Variants in MMS22L observed in about 807,000 individuals in gnomAD.
The protein encoded by MMS22L is MMS22 like, DNA repair protein.
In MMS22L, 74 loss-of-function variants were observed where a neutral mutation model predicts 159.1. The ratio of observed to expected loss-of-function variants is 0.47; its 90% CI spans 0.39 to 0.56. MMS22L has a LOEUF of 0.56. Ranked by LOEUF, MMS22L falls within the 20% of genes least tolerant of loss-of-function variation. MMS22L has a pLI of 0.00. For missense variants in MMS22L, 1,351 were observed against 1,422.1 expected (o/e 0.95, Z 0.80); for synonymous variants, 517 against 506.9 (o/e 1.02, Z -0.27).
At chr6:97,222,951 G>A (rs989683750) in intron 14 of MMS22L, among the ~76,000 whole-genome samples, 1 of 152,092 alleles carries the variant, frequency 6.6e-6, no homozygotes, top group African/African-American at 2.4e-5. Flanking sequence ...AACTTAAAAT[G>A]TGATTCCAGA....
intron 7 of MMS22L, among the ~76,000 whole-genome samples, chr6:97,268,410 A>T (rs370541671): frequency 1.6e-3 from 243 of 152,058 alleles, no homozygotes; most frequent in Non-Finnish European, 2.9e-3. Flanking sequence ...GGATGGTCTC[A>T]ATCTCCTGAC....
intron 9 of MMS22L, among the ~76,000 whole-genome samples, chr6:97,256,616 T>C (rs540333239): frequency 1.3e-5 from 2 of 152,312 alleles, no homozygotes; most frequent in African/African-American, 2.4e-5. Context: ...CTGGCCTCCA[T>C]TGTTGTTGAA....
chr6:97,273,626 G>C (rs559064410), intron 4 of MMS22L, among the ~76,000 whole-genome samples: 12 of 152,084 alleles, frequency 7.9e-5, no homozygotes, highest in Non-Finnish European at 1.2e-4. Context: ...TACCTCCTTT[G>C]ATTTCTTTCA....
chr6:97,188,487 T>C (rs187981930), intron 14 of MMS22L, among the ~76,000 whole-genome samples: 5 of 152,302 alleles, frequency 3.3e-5, no homozygotes, highest in African/African-American at 9.6e-5. Context: ...ATCCTCTTTA[T>C]AGATGACGAA....
intron 11 of MMS22L, among the ~76,000 whole-genome samples, chr6:97,236,471 A>AT (rs1378328579): frequency 1.4e-4 from 22 of 152,234 alleles, no homozygotes; most frequent in Admixed American, 1.3e-3. Flanking sequence ...TGAATGTATG[A>AT]TTTTCTCTCA....
intron 14 of MMS22L, 29 bp from the exon 15 acceptor site, chr6:97,186,719 C>T: frequency 7.0e-7 from 1 of 1,418,500 alleles, no homozygotes; most frequent in Middle Eastern, 1.9e-4. Flanking sequence ...ACAGCTAACA[C>T]CCTTAATAAA....
In MMS22L at chr6:97,186,626, A is replaced by C. The variant is rs958016949; in HGVS notation, c.2104T>G (p.Ser702Ala). 6.2e-6 allele frequency: 10 copies of C among 1,611,216 alleles called. No homozygotes were observed. Among genetic ancestry groups the C allele is most frequent in the Non-Finnish European group, 7.6e-6 (9 of 1,178,890 alleles). Residue 702 changes from serine (S) to alanine (A), a missense_variant, in exon 15 of 25, where the codon TCA (serine) becomes GCA (alanine). Physicochemically the swap from Ser to Ala is moderately conservative, Grantham distance 99 (BLOSUM62 1). Coordinates refer to ENST00000683635, the MANE Select transcript of MMS22L (RefSeq NM_001350599.2). ...RDNVDLFVQS[S>A]LSAKERHLAA... ...AGGTGGCGCTCTTTAGCCGATAATG[A>C]AGACTGTACAAATAGGTCCACATTG...
chr6:97,268,506 C>T (rs193167725), intron 7 of MMS22L, among the ~76,000 whole-genome samples: 2 of 151,974 alleles, frequency 1.3e-5, no homozygotes, highest in Admixed American at 6.6e-5. Flanking sequence ...TCTAATTCTT[C>T]CAAGTAACAT....
At position 97,231,456 on chromosome 6, in the gene MMS22L, C is replaced by T. The variant is rs771491696; in HGVS notation, c.1499G>A (p.Gly500Asp). ...KVVKKAMKSN[G>D]PHPWKQVKGR... ...TTTGACTTGTTTCCAAGGATGAGGG[C>T]CATTGCTCTTCATTGCTTTTTTAAC... Residue 500 changes from glycine (G) to aspartate (D), a missense_variant, in exon 13 of 25, where the codon GGC becomes GAC. Gly to Asp is a moderately conservative substitution (Grantham distance 94). Transcript: ENST00000683635. 15 of 1,613,436 alleles carry T rather than the reference C, an allele frequency of 9.3e-6. No individual in the cohort carries two copies. Among genetic ancestry groups the T allele is most frequent in the African/African-American group, 1.3e-5 (1 of 74,916 alleles).
intron 14 of MMS22L, among the ~76,000 whole-genome samples, chr6:97,194,687 C>CT (rs1288348214): frequency 1.3e-5 from 2 of 152,104 alleles, no homozygotes; most frequent in Non-Finnish European, 2.9e-5. Flanking sequence ...GAAAATACTC[C>CT]TTTACTCTAT....
At chr6:97,169,916 C>T (rs1413650890) in intron 19 of MMS22L, among the ~76,000 whole-genome samples, 1 of 151,824 alleles carries the variant, frequency 6.6e-6, no homozygotes, top group East Asian at 1.9e-4. Flanking sequence ...TATAGGGTAC[C>T]ACGTGGTATA....
At position 97,251,358 on chromosome 6, in the gene MMS22L, A is replaced by G. The variant is rs115290628; in HGVS notation, c.1119+3199T>C. On this transcript the variant is annotated intron_variant, in intron 10 of 24. Coordinates refer to ENST00000683635, the MANE Select transcript of MMS22L (RefSeq NM_001350599.2). ...ATTACCCTCTCACCTACTTTAAAAT[A>G]TTTCACTGAGATAATACACAGTCAC... Among the ~76,000 whole-genome samples the G allele has an allele frequency of 3.3e-3, 499 of 152,322 alleles. 3 individuals are homozygous for G. Among genetic ancestry groups the G allele is most frequent in the African/African-American group, 0.011 (468 of 41,576 alleles).
chr6:97,154,052 A>G (rs1801595818), intron 22 of MMS22L, among the ~76,000 whole-genome samples: 1 of 152,182 alleles, frequency 6.6e-6, no homozygotes, highest in Non-Finnish European at 1.5e-5. Context: ...ACTATTATCC[A>G]AAGTAGCAAC....
intron 14 of MMS22L, among the ~76,000 whole-genome samples, chr6:97,187,254 T>C (rs1197378167): frequency 2.0e-5 from 3 of 152,180 alleles, no homozygotes; most frequent in Non-Finnish European, 2.9e-5. Flanking sequence ...CAATAACAAG[T>C]TGCTCTTCAT....
intron 10 of MMS22L, among the ~76,000 whole-genome samples, chr6:97,250,675 G>A (rs572711823): frequency 1.3e-5 from 2 of 152,192 alleles, no homozygotes; most frequent in African/African-American, 4.8e-5. Flanking sequence ...CTAGCTTTGT[G>A]AGTTAAATCC....
Position 97,168,126 on chromosome 6 carries a change from T to C in MMS22L, c.2954A>G (p.Glu985Gly). ...LPHAVLQQEK[E>G]LPAPMLSAIQ... is the part of the protein sequence containing the mutation. ...TGCTGACAACATAGGTGCAGGCAGTTCCTTCTCTTGCTGTAATACTGCATG... is the reference window on the plus strand; with the variant it reads ...TGCTGACAACATAGGTGCAGGCAGTCCCTTCTCTTGCTGTAATACTGCATG... Residue 985 changes from glutamate to glycine, a missense_variant, in exon 20 of 25, where the codon GAA becomes GGA. Physicochemically the swap from Glu to Gly is moderately conservative, Grantham distance 98 (BLOSUM62 -2). Transcript: ENST00000683635. 1 of 1,613,210 alleles carries C rather than the reference T, an allele frequency of 6.2e-7. No homozygotes were observed. Among genetic ancestry groups the C allele is most frequent in the Non-Finnish European group, 8.5e-7 (1 of 1,179,414 alleles).
intron 10 of MMS22L, among the ~76,000 whole-genome samples, chr6:97,247,084 T>A (rs954626280): frequency 1.3e-5 from 2 of 151,206 alleles, no homozygotes; most frequent in African/African-American, 4.8e-5. Flanking sequence ...TCACTAGAGC[T>A]TTTTCCTTCA....
At chr6:97,252,136 G>A (rs1418993357) in intron 10 of MMS22L, among the ~76,000 whole-genome samples, 2 of 151,592 alleles carry the variant, frequency 1.3e-5, no homozygotes, top group African/African-American at 2.4e-5. Flanking sequence ...ACCATAGGTG[G>A]TTATATCACT....
chr6:97,197,498 A>T (rs1405990345), intron 14 of MMS22L, among the ~76,000 whole-genome samples: 1 of 152,192 alleles, frequency 6.6e-6, no homozygotes, highest in Non-Finnish European at 1.5e-5. Context: ...CAGAGGTGAG[A>T]TCATCTCTGA....
Sources: gnomAD v4.1 joint callset for allele counts (sites outside exome capture counted in the v4.1 genomes callset) on GRCh38, gnomAD v4.1.1 for gene constraint, MANE v1.5 for transcripts, NCBI Gene and HGNC (gene_info 2026-07-23, HGNC 2026-07-21) for gene names.